The following ERAP1 variants were observed in gnomAD, a reference collection of about 807,000 sequenced individuals.
ERAP1 encodes endoplasmic reticulum aminopeptidase 1.
ERAP1 carries 86 observed loss-of-function variants against 103.7 expected under a neutral mutation model. That is an observed-to-expected ratio of 0.83 (90% confidence interval 0.70 to 0.99). The LOEUF is 0.99. Ranked by LOEUF, ERAP1 falls within the 50% of genes least tolerant of loss-of-function variation. The pLI, the probability that ERAP1 is intolerant of heterozygous loss-of-function variation, is 0.00. For synonymous variants in ERAP1, 398 were observed against 402.4 expected (o/e 0.99, Z 0.13); for missense variants, 1,009 against 1,128.4 (o/e 0.89, Z 1.52).
the ERAP1 span, chr5:96,902,859 G>C: frequency 6.4e-6 from 1 of 155,268 alleles, no homozygotes; most frequent in African/African-American, 2.4e-5. Flanking sequence ...TTACCCTCTA[G>C]TATAATATAT....
the ERAP1 span, among the ~76,000 whole-genome samples, chr5:96,907,894 A>ATAT: frequency 6.6e-6 from 1 of 151,214 alleles, no homozygotes; most frequent in South Asian, 2.1e-4. Flanking sequence ...AAAAAAAAAA[A>ATAT]ATATATATAT....
At chr5:96,858,063 G>A in the ERAP1 span, among the ~76,000 whole-genome samples, 2 of 152,180 alleles carry the variant, frequency 1.3e-5, no homozygotes, top group Admixed American at 1.3e-4. Flanking sequence ...ACAGCAGCTT[G>A]CAGGGGCAAA....
chr5:96,816,644 T>C, the ERAP1 span, among the ~76,000 whole-genome samples: 2 of 152,168 alleles, frequency 1.3e-5, no homozygotes, highest in African/African-American at 4.8e-5. Context: ...TTCAACCAGT[T>C]GGAGTCACTT....
chr5:96,830,804 GC>G, the ERAP1 span, among the ~76,000 whole-genome samples: 2 of 152,176 alleles, frequency 1.3e-5, no homozygotes, highest in East Asian at 3.9e-4. Flanking sequence ...GGGTGCTTCA[GC>G]TATGTTAGTT....
chr5:96,844,845 A>T, the ERAP1 span, among the ~76,000 whole-genome samples: 1 of 152,206 alleles, frequency 6.6e-6, no homozygotes, highest in Admixed American at 6.5e-5. Flanking sequence ...TCCAAATAAT[A>T]TGGAAGCTAG....
chr5:96,813,715 G>A, the ERAP1 span, among the ~76,000 whole-genome samples: 2 of 147,508 alleles, frequency 1.4e-5, no homozygotes, highest in Non-Finnish European at 3.0e-5. Flanking sequence ...CATACACGAG[G>A]AAGATAAACA....
chr5:96,838,513 A>G, the ERAP1 span, among the ~76,000 whole-genome samples: 1 of 152,224 alleles, frequency 6.6e-6, no homozygotes, highest in Non-Finnish European at 1.5e-5. Flanking sequence ...ATAGTGATAT[A>G]ATAGTTCTTG....
At chr5:96,895,418 T>A in the ERAP1 span, 1 of 1,203,768 alleles carries the variant, frequency 8.3e-7, no homozygotes, top group Non-Finnish European at 1.2e-6. Flanking sequence ...AATTCACTAT[T>A]AAAATTTCAA....
intron 3 of ERAP1, 89 bp downstream of exon 3, chr5:96,800,773 T>A: frequency 5.0e-6 from 7 of 1,389,032 alleles, no homozygotes; most frequent in Non-Finnish European, 7.2e-6. Context: ...ACAAAACAGG[T>A]GACCCAATGT....
the ERAP1 span, among the ~76,000 whole-genome samples, chr5:96,908,540 A>G: frequency 6.6e-6 from 1 of 152,272 alleles, no homozygotes; most frequent in Non-Finnish European, 1.5e-5. Flanking sequence ...TACTTGGAGA[A>G]ACAAGTCAAA....
chr5:96,933,211 C>CTTTTTTTTTTTTTTTTTTT, the ERAP1 span, among the ~76,000 whole-genome samples: 1 of 72,806 alleles, frequency 1.4e-5, no homozygotes, highest in Non-Finnish European at 2.4e-5. Flanking sequence ...AAAACCACGT[C>CTTTTTTTTTTTTTTTTTTT]TTTTTTTTTT....
Position 96,782,839 on chromosome 5 carries a change from A to G in ERAP1, c.2285+212T>C, listed in dbSNP as rs140236021. On this transcript the variant is annotated intron_variant, in intron 15 of 18. Transcript: ENST00000443439. ...TATTCCCATACCATCCTAACTCCCC[A>G]GATATTTGACTTTTATGCATAGAAG... is the stretch of plus-strand genomic sequence containing the variant. 4.7e-3 allele frequency among the ~76,000 whole-genome samples: 711 copies of G among 152,314 alleles called. 27 individuals are homozygous for G. The highest frequency in any genetic ancestry group is 0.039 in the Admixed American group (596 of 15,302).
At chr5:96,877,946 A>C in the ERAP1 span, among the ~76,000 whole-genome samples, 3 of 152,224 alleles carry the variant, frequency 2.0e-5, no homozygotes, top group Non-Finnish European at 4.4e-5. Context: ...TTGTTTGGAT[A>C]ATTAATGCTG....
chr5:96,911,189 C>G, the ERAP1 span, among the ~76,000 whole-genome samples: 2 of 152,148 alleles, frequency 1.3e-5, no homozygotes, highest in Non-Finnish European at 2.9e-5. Context: ...TTAAAAAAAT[C>G]AGGATAATAA....
the ERAP1 span, among the ~76,000 whole-genome samples, chr5:96,825,748 A>T: frequency 2.1e-4 from 32 of 152,214 alleles, no homozygotes; most frequent in Non-Finnish European, 2.1e-4. Flanking sequence ...TTTATAATCC[A>T]TACACTATAT....
chr5:96,873,898 A>C, the ERAP1 span, among the ~76,000 whole-genome samples: 1 of 152,078 alleles, frequency 6.6e-6, no homozygotes, highest in East Asian at 1.9e-4. Flanking sequence ...ACCAAAGCTA[A>C]GAAGAAACAA....
the ERAP1 span, among the ~76,000 whole-genome samples, chr5:96,894,385 T>C: frequency 1.3e-5 from 2 of 152,194 alleles, no homozygotes; most frequent in African/African-American, 2.4e-5. Flanking sequence ...TTAAACTGTT[T>C]CTAGAAGCTA....
the ERAP1 span, among the ~76,000 whole-genome samples, chr5:96,862,423 A>C: frequency 3.9e-5 from 6 of 152,380 alleles, 1 homozygote; most frequent in South Asian, 1.2e-3. Context: ...TTGCCTTCTT[A>C]TTAGTGAAAT....
the ERAP1 span, among the ~76,000 whole-genome samples, chr5:96,837,055 G>C: frequency 6.6e-6 from 1 of 152,208 alleles, no homozygotes; most frequent in South Asian, 2.1e-4. Context: ...ATTTGGGAGA[G>C]AAAATGAATT....
Sources: allele counts gnomAD v4.1 joint callset (sites outside exome capture counted in the v4.1 genomes callset), GRCh38; gene constraint gnomAD v4.1.1; transcripts MANE v1.5; gene names NCBI Gene and HGNC (gene_info 2026-07-23, HGNC 2026-07-21).